ARMH3: variants seen among roughly 807,000 people sequenced by gnomAD.
The protein encoded by ARMH3 is armadillo-like helical domain-containing protein 3.
A neutral mutation model predicts 99.1 loss-of-function variants in ARMH3; 60 were observed. The observed-to-expected ratio is 0.61, with a 90% CI of 0.49 to 0.75. The LOEUF (loss-of-function observed/expected upper bound fraction) is 0.75. Ranked by LOEUF, ARMH3 falls within the 30% of genes least tolerant of loss-of-function variation. The pLI is 0.00. For synonymous variants in ARMH3, 285 were observed against 292.8 expected, an observed-to-expected ratio of 0.97 and a Z score of 0.27; for missense variants, 679 against 843.1, an observed-to-expected ratio of 0.81 and a Z score of 2.41.
At chr10:101,848,111 T>C (rs1451659363) in intron 25 of ARMH3, among the ~76,000 whole-genome samples, 1 of 152,236 alleles carries the variant, frequency 6.6e-6, no homozygotes, top group Non-Finnish European at 1.5e-5. Flanking sequence ...AGTCCTTTTC[T>C]GGCACAGATG....
chr10:101,939,810 T>C, intron 23 of ARMH3, 53 bp downstream of exon 23: 1 of 1,491,978 alleles, frequency 6.7e-7, no homozygotes, highest in African/African-American at 1.4e-5. Context: ...AAAGGTACAA[T>C]AAACCTCAGG....
chr10:101,983,860 A>C (rs1255068239), intron 19 of ARMH3, among the ~76,000 whole-genome samples: 1 of 152,200 alleles, frequency 6.6e-6, no homozygotes, highest in African/African-American at 2.4e-5. Context: ...CTAGCAAATT[A>C]ATCAAACCTA....
intron 14 of ARMH3, among the ~76,000 whole-genome samples, chr10:102,002,960 C>CAAATAAAT (rs72287750): frequency 0.032 from 4,369 of 136,026 alleles, 85 homozygotes; most frequent in Admixed American, 0.046. Flanking sequence ...GACTCTGTCA[C>CAAATAAAT]AAATAAATAA....
intron 24 of ARMH3, among the ~76,000 whole-genome samples, chr10:101,870,162 A>C (rs1190059504): frequency 2.6e-5 from 4 of 152,264 alleles, no homozygotes; most frequent in African/African-American, 9.6e-5. Flanking sequence ...CACATTACTC[A>C]TATCATGAAT....
intron 4 of ARMH3, among the ~76,000 whole-genome samples, chr10:102,030,205 G>A (rs2067095908): frequency 6.6e-6 from 1 of 152,126 alleles, no homozygotes; most frequent in Non-Finnish European, 1.5e-5. Flanking sequence ...AGAAATGTGA[G>A]CCACTGTGCC....
chr10:101,907,385 G>GTTTTTT (rs773919740), intron 23 of ARMH3, among the ~76,000 whole-genome samples: 2 of 136,878 alleles, frequency 1.5e-5, no homozygotes, highest in East Asian at 2.1e-4. Flanking sequence ...CTTTGTTTTT[G>GTTTTTT]TTTTTTTTTT....
At chr10:101,871,788 G>A (rs772554939) in intron 24 of ARMH3, among the ~76,000 whole-genome samples, 7 of 152,088 alleles carry the variant, frequency 4.6e-5, no homozygotes, top group Non-Finnish European at 1.0e-4. Context: ...AACACTTGAG[G>A]CCAGGAGTTC....
chr10:102,011,936 C>A (rs1261947654), intron 10 of ARMH3, among the ~76,000 whole-genome samples, 153 bp from the exon 11 acceptor site: 3 of 152,186 alleles, frequency 2.0e-5, no homozygotes, highest in Non-Finnish European at 4.4e-5. Flanking sequence ...ACAATCCCTG[C>A]AAGCTAAGAG....
At chr10:101,925,275 T>C (rs918968473) in intron 23 of ARMH3, among the ~76,000 whole-genome samples, 3 of 152,188 alleles carry the variant, frequency 2.0e-5, no homozygotes, top group African/African-American at 7.2e-5. Context: ...GAGCTACATA[T>C]CTAGGTTCCA....
chr10:102,018,075 T>C (rs1388027993), intron 8 of ARMH3, among the ~76,000 whole-genome samples: 11 of 152,286 alleles, frequency 7.2e-5, no homozygotes, highest in African/African-American at 2.4e-4. Context: ...GAAAGTCAGG[T>C]TGCCTCAGTG....
chr10:101,966,085 T>C (rs1287683716), intron 20 of ARMH3, among the ~76,000 whole-genome samples: 1 of 151,626 alleles, frequency 6.6e-6, no homozygotes, highest in African/African-American at 2.4e-5. Flanking sequence ...AATCTAATTT[T>C]TTTTTCTTTT....
chr10:102,046,520 C>T (rs2067556583), intron 1 of ARMH3, among the ~76,000 whole-genome samples: 1 of 152,024 alleles, frequency 6.6e-6, no homozygotes, highest in Non-Finnish European at 1.5e-5. Context: ...GGCATGGTAG[C>T]ACATGCCTGT....
At position 101,930,776 on chromosome 10, in the gene ARMH3, A is replaced by T. The variant is rs574305499; in HGVS notation, c.1781+9087T>A. Among the ~76,000 whole-genome samples, 55 of 152,324 alleles carry T rather than the reference A, an allele frequency of 3.6e-4. 1 individual carries two copies. The highest frequency in any genetic ancestry group is 1.3e-3 in the African/African-American group (55 of 41,580). On this transcript the variant is annotated intron_variant, in intron 23 of 25. Transcript: ENST00000370033. ...GAAAAAGGACTGAACAAAGTTGGGT[A>T]TGGAAGGGGCTGATAAGATTCCCAG...
chr10:101,979,058 C>T (rs1250759342), intron 19 of ARMH3, among the ~76,000 whole-genome samples: 5 of 152,110 alleles, frequency 3.3e-5, no homozygotes, highest in Non-Finnish European at 5.9e-5. Context: ...ACAGGAGGAT[C>T]GCCTGAGCTC....
chr10:101,885,073 C>G (rs1389767624), intron 24 of ARMH3, among the ~76,000 whole-genome samples: 3 of 152,042 alleles, frequency 2.0e-5, no homozygotes, highest in Non-Finnish European at 4.4e-5. Context: ...CTCAATATAT[C>G]ATTAGGTAAA....
intron 22 of ARMH3, among the ~76,000 whole-genome samples, chr10:101,946,672 T>G (rs1843360762): frequency 6.6e-6 from 1 of 151,494 alleles, no homozygotes; most frequent in South Asian, 2.1e-4. Context: ...TATGGGACAA[T>G]ATGGAAAAGT....
At chr10:101,987,413 CA>C (rs1405194255) in intron 19 of ARMH3, among the ~76,000 whole-genome samples, 2 of 152,176 alleles carry the variant, frequency 1.3e-5, no homozygotes, top group African/African-American at 4.8e-5. Context: ...TCAGCATAGT[CA>C]CTCTATACAA....
intron 15 of ARMH3, among the ~76,000 whole-genome samples, chr10:102,001,100 A>G (rs991250922): frequency 2.0e-5 from 3 of 152,198 alleles, no homozygotes; most frequent in Admixed American, 6.5e-5. Context: ...TACAGGCATG[A>G]GCCACCGTAC....
At chr10:102,033,479 G>A (rs573654248) in intron 2 of ARMH3, 140 bp from the exon 3 acceptor site, 49 of 916,786 alleles carry the variant, frequency 5.3e-5, no homozygotes, top group Non-Finnish European at 6.8e-5. Context: ...GTACAGTGGC[G>A]TGATCTCGGC....
Sources: allele counts gnomAD v4.1 joint callset (sites outside exome capture counted in the v4.1 genomes callset), GRCh38; gene constraint gnomAD v4.1.1; transcripts MANE v1.5; gene names NCBI Gene and HGNC (gene_info 2026-07-23, HGNC 2026-07-21).